Variants in NUP62CL observed in about 807,000 individuals in gnomAD.
NUP62CL encodes nucleoporin 62 C-terminal like.
NUP62CL carries 13 observed loss-of-function variants against 15.3 expected under a neutral mutation model. That is an observed-to-expected ratio of 0.85 (90% confidence interval 0.55 to 1.35). The LOEUF is 1.35. Among genes scored for constraint, NUP62CL ranks in the 40% most tolerant of loss-of-function variants. The pLI is 0.00. For missense variants in NUP62CL, 123 were observed against 130.6 expected (o/e 0.94, Z 0.28); for synonymous variants, 54 against 49.2 (o/e 1.10, Z -0.41).
At chrX:107,200,800 A>T (rs952456977) in intron 1 of NUP62CL, among the ~76,000 whole-genome samples, 1 of 109,509 alleles carries the variant, frequency 9.1e-6, no homozygotes, top group African/African-American at 3.3e-5. Context: ...GAGGAGAGAG[A>T]GTAAAATACT....
chrX:107,189,787 T>TGAAA (rs760761844), intron 2 of NUP62CL, among the ~76,000 whole-genome samples: 1 of 74,971 alleles, frequency 1.3e-5, no homozygotes, highest in Non-Finnish European at 2.5e-5. Flanking sequence ...CCTGTCTCAA[T>TGAAA]GAAAGAAAGA....
chrX:107,185,266 G>A (rs745340831), intron 2 of NUP62CL, among the ~76,000 whole-genome samples: 1 of 106,604 alleles, frequency 9.4e-6, no homozygotes, highest in South Asian at 4.0e-4. Context: ...TATAAAAGAA[G>A]GAATCTTGGA....
intron 3 of NUP62CL, among the ~76,000 whole-genome samples, chrX:107,170,456 A>T (rs1926622320): frequency 9.9e-6 from 1 of 100,565 alleles, no homozygotes; most frequent in South Asian, 4.7e-4. Context: ...TCTGTCACCC[A>T]GGCTAGAGTG....
At chrX:107,133,073 T>A (rs1271723173) in intron 8 of NUP62CL, among the ~76,000 whole-genome samples, 1 of 111,680 alleles carries the variant, frequency 9.0e-6, no homozygotes, top group African/African-American at 3.3e-5. Flanking sequence ...AGTTGAAGGA[T>A]CAAAGTCTCC....
At chrX:107,180,428 T>C (rs1253324224) in intron 2 of NUP62CL, among the ~76,000 whole-genome samples, 1 of 111,798 alleles carries the variant, frequency 8.9e-6, no homozygotes, top group Non-Finnish European at 1.9e-5. Context: ...GATATATAAA[T>C]TATAGCACAT....
intron 7 of NUP62CL, 58 bp from the exon 8 acceptor site, chrX:107,147,867 T>TAAACATAAG: frequency 1.1e-6 from 1 of 932,389 alleles, no homozygotes; most frequent in Non-Finnish European, 1.5e-6. Context: ...AAATAAAAAA[T>TAAACATAAG]AAACATAAGA....
At chrX:107,182,770 T>G (rs968674635) in intron 2 of NUP62CL, among the ~76,000 whole-genome samples, 1 of 111,384 alleles carries the variant, frequency 9.0e-6, no homozygotes, top group Non-Finnish European at 1.9e-5. Context: ...ACTAATCTCT[T>G]AGGGGGAAAA....
intron 8 of NUP62CL, among the ~76,000 whole-genome samples, chrX:107,143,601 A>C (rs890065639): frequency 2.7e-5 from 3 of 111,778 alleles, no homozygotes; most frequent in Admixed American, 1.9e-4. Context: ...ATGGAAAAAA[A>C]TGTGTACTAA....
At chrX:107,187,652 C>T (rs1927100749) in intron 2 of NUP62CL, among the ~76,000 whole-genome samples, 1 of 112,758 alleles carries the variant, frequency 8.9e-6, no homozygotes, top group African/African-American at 3.2e-5. Context: ...CCCGCCTAGG[C>T]CTCCCAAAGT....
At chrX:107,191,266 A>G (rs1385855823) in intron 2 of NUP62CL, among the ~76,000 whole-genome samples, 1 of 105,980 alleles carries the variant, frequency 9.4e-6, no homozygotes, top group African/African-American at 3.5e-5. Context: ...AGATAACCAG[A>G]TATTAATATA....
At chrX:107,198,822 G>A (rs761516580) in intron 1 of NUP62CL, among the ~76,000 whole-genome samples, 21 of 112,338 alleles carry the variant, frequency 1.9e-4, no homozygotes, top group Non-Finnish European at 3.9e-4. Flanking sequence ...GCGAGGGTCC[G>A]CAGCTTCATT....
intron 1 of NUP62CL, among the ~76,000 whole-genome samples, chrX:107,203,851 T>G (rs747616629): frequency 8.9e-6 from 1 of 111,750 alleles, no homozygotes; most frequent in Non-Finnish European, 1.9e-5. Context: ...CTTTAATTTC[T>G]TTCAATGTTG....
chrX:107,185,185 A>G (rs1365309119), intron 2 of NUP62CL, among the ~76,000 whole-genome samples: 3 of 78,647 alleles, frequency 3.8e-5, no homozygotes, highest in Non-Finnish European at 6.7e-5. Flanking sequence ...CGACACAGCG[A>G]GACTCCGTCT....
chrX:107,177,048 G>A (rs1030687925), intron 2 of NUP62CL, among the ~76,000 whole-genome samples: 1 of 111,361 alleles, frequency 9.0e-6, no homozygotes, highest in African/African-American at 3.3e-5. Flanking sequence ...TAGATGACAT[G>A]ATCACGAATA....
At chrX:107,141,812 C>T (rs1324888107) in intron 8 of NUP62CL, among the ~76,000 whole-genome samples, 1 of 110,636 alleles carries the variant, frequency 9.0e-6, no homozygotes, top group Non-Finnish European at 1.9e-5. Flanking sequence ...GTAATCCTCA[C>T]ACTTTGGGAG....
At chrX:107,134,003 C>T (rs1925580889) in intron 8 of NUP62CL, among the ~76,000 whole-genome samples, 2 of 112,297 alleles carry the variant, frequency 1.8e-5, no homozygotes, top group South Asian at 7.5e-4. Context: ...GGTCATTTAA[C>T]ATACACAGGC....
At chrX:107,161,777 T>A (rs1246647602) in intron 4 of NUP62CL, among the ~76,000 whole-genome samples, 21 of 94,792 alleles carry the variant, frequency 2.2e-4, no homozygotes, top group Admixed American at 3.6e-4. Flanking sequence ...AAGTATAATT[T>A]AAAAAAAATA....
At position 107,167,904 on chromosome X, in the gene NUP62CL, G is replaced by T. The variant is rs1926555403; in HGVS notation, c.59-120C>A. 11 of 643,640 alleles carry T rather than the reference G, an allele frequency of 1.7e-5. No individual in the cohort carries two copies. The South Asian group carries it at 3.6e-4, about 21-fold the overall frequency. The allele number at this position is 643,640 out of a possible 1,213,427, so 53.0% of individuals were successfully genotyped here. A position where few individuals can be genotyped will look rare whatever the true frequency, so the allele number is the denominator to read the frequency against. On this transcript the variant is annotated intron_variant, in intron 3 of 8. Transcript: ENST00000372466. ...AAAATACAAATTTGAACTCAAAGAT[G>T]CAGATTTGAATTCAACACTGTTGTA...
At chrX:107,154,931 C>T (rs1926138981) in intron 4 of NUP62CL, among the ~76,000 whole-genome samples, 1 of 111,923 alleles carries the variant, frequency 8.9e-6, no homozygotes, top group Non-Finnish European at 1.9e-5. Flanking sequence ...CCAGTAGCAA[C>T]AGGGCTCAAT....
Sources: gnomAD v4.1 joint callset for allele counts (sites outside exome capture counted in the v4.1 genomes callset) on GRCh38, gnomAD v4.1.1 for gene constraint, MANE v1.5 for transcripts, NCBI Gene and HGNC (gene_info 2026-07-23, HGNC 2026-07-21) for gene names.